Variants in CAMTA1 observed in about 807,000 individuals in gnomAD.
CAMTA1 encodes calmodulin binding transcription activator 1.
A neutral mutation model predicts 170.9 loss-of-function variants in CAMTA1; 27 were observed. The ratio of observed to expected loss-of-function variants is 0.16; its 90% CI spans 0.12 to 0.22. CAMTA1 has a LOEUF of 0.22. Among genes scored for constraint, CAMTA1 ranks in the 10% least tolerant of loss-of-function variants. The pLI is 1.00. For missense variants in CAMTA1, 1,619 were observed against 2,217.2 expected (o/e 0.73, Z 5.42); for synonymous variants, 833 against 891.5 (o/e 0.93, Z 1.17).
intron 3 of CAMTA1, among the ~76,000 whole-genome samples, chr1:7,003,617 A>G (rs978753892): frequency 8.2e-5 from 11 of 134,332 alleles, no homozygotes; most frequent in African/African-American, 2.8e-4. Context: ...CAGCAAAACT[A>G]AAAAAGATAA....
chr1:7,147,206 G>A (rs1270135251), intron 4 of CAMTA1, among the ~76,000 whole-genome samples: 1 of 151,964 alleles, frequency 6.6e-6, no homozygotes, highest in Non-Finnish European at 1.5e-5. Context: ...AGATCACAAG[G>A]TCAAGAGATT....
chr1:7,632,913 G>T (rs2095681823), intron 6 of CAMTA1, among the ~76,000 whole-genome samples: 1 of 152,260 alleles, frequency 6.6e-6, no homozygotes, highest in Non-Finnish European at 1.5e-5. Flanking sequence ...GCAGCCTGGA[G>T]CACCTCCCCC....
At chr1:6,801,468 C>T (rs982016372) in intron 1 of CAMTA1, among the ~76,000 whole-genome samples, 3 of 152,086 alleles carry the variant, frequency 2.0e-5, no homozygotes, top group African/African-American at 4.8e-5. Flanking sequence ...AGTCCTGCCA[C>T]TGATGAGGCT....
intron 7 of CAMTA1, among the ~76,000 whole-genome samples, chr1:7,647,287 G>T (rs1007823259): frequency 1.3e-5 from 2 of 151,634 alleles, no homozygotes; most frequent in African/African-American, 4.8e-5. Context: ...AAGGGGGGGG[G>T]GCTGTGTTTA....
chr1:7,577,077 G>C (rs974540523), intron 6 of CAMTA1, among the ~76,000 whole-genome samples: 1 of 152,224 alleles, frequency 6.6e-6, no homozygotes, highest in African/African-American at 2.4e-5. Flanking sequence ...TCAGTAGCCT[G>C]GGCTGTGCCT....
chr1:7,601,626 G>C (rs1038917184), intron 6 of CAMTA1, among the ~76,000 whole-genome samples: 61 of 152,338 alleles, frequency 4.0e-4, no homozygotes, highest in Admixed American at 6.5e-4. Flanking sequence ...CCGAGATCAC[G>C]CCACTGCACT....
chr1:7,332,353 T>A (rs2083087356), intron 5 of CAMTA1, among the ~76,000 whole-genome samples: 1 of 152,232 alleles, frequency 6.6e-6, no homozygotes, highest in African/African-American at 2.4e-5. Flanking sequence ...ATGGCCACAT[T>A]TAATACTTAT....
At chr1:7,689,977 G>T (rs1445911875) in intron 11 of CAMTA1, among the ~76,000 whole-genome samples, 3 of 152,244 alleles carry the variant, frequency 2.0e-5, no homozygotes, top group East Asian at 3.9e-4. Context: ...GACCAACATG[G>T]TGAAACCCCG....
At chr1:7,371,975 C>T (rs1243222384) in intron 5 of CAMTA1, among the ~76,000 whole-genome samples, 1 of 152,170 alleles carries the variant, frequency 6.6e-6, no homozygotes, top group Non-Finnish European at 1.5e-5. Flanking sequence ...GAGCAAAACT[C>T]CTGGAGTCCA....
chr1:7,210,178 A>C (rs1421901379), intron 4 of CAMTA1, among the ~76,000 whole-genome samples: 1 of 152,204 alleles, frequency 6.6e-6, no homozygotes, highest in South Asian at 2.1e-4. Context: ...AATAAAAACA[A>C]TAGTCTGTTG....
chr1:6,903,278 G>C (rs530590245), intron 3 of CAMTA1, among the ~76,000 whole-genome samples: 2 of 152,290 alleles, frequency 1.3e-5, no homozygotes, highest in South Asian at 4.1e-4. Flanking sequence ...GGCAAGGAAG[G>C]TTTTGGGTGG....
At chr1:7,720,532 C>T (rs1162215036) in intron 11 of CAMTA1, among the ~76,000 whole-genome samples, 7 of 152,108 alleles carry the variant, frequency 4.6e-5, no homozygotes, top group African/African-American at 1.4e-4. Context: ...CAGGCACCTA[C>T]CACCATGCCT....
At chr1:7,243,521 A>C (rs1665256357) in intron 4 of CAMTA1, among the ~76,000 whole-genome samples, 1 of 152,204 alleles carries the variant, frequency 6.6e-6, no homozygotes, top group Non-Finnish European at 1.5e-5. Flanking sequence ...CAGGTTTGTC[A>C]AAGATCAGAT....
intron 5 of CAMTA1, among the ~76,000 whole-genome samples, chr1:7,366,353 T>G (rs577476318): frequency 7.1e-4 from 108 of 152,322 alleles, no homozygotes; most frequent in African/African-American, 2.5e-3. Flanking sequence ...ATATTCCACA[T>G]GGACACAGGG....
At chr1:6,877,490 G>T (rs1039535216) in intron 3 of CAMTA1, among the ~76,000 whole-genome samples, 4 of 152,132 alleles carry the variant, frequency 2.6e-5, no homozygotes, top group Admixed American at 1.3e-4. Context: ...AGTCGGCAAC[G>T]CTATTGCTGC....
chr1:7,076,642 C>G (rs1639341009), intron 3 of CAMTA1, among the ~76,000 whole-genome samples: 1 of 152,102 alleles, frequency 6.6e-6, no homozygotes, highest in Admixed American at 6.5e-5. Flanking sequence ...CTCACGTGGA[C>G]CCAGGCTCAT....
intron 5 of CAMTA1, among the ~76,000 whole-genome samples, chr1:7,254,544 C>T (rs1378867495): frequency 1.3e-5 from 2 of 152,212 alleles, no homozygotes; most frequent in African/African-American, 4.8e-5. Flanking sequence ...TCTTTGACTT[C>T]TTAACTGCCT....
At position 7,606,896 on chromosome 1, in the gene CAMTA1, A is replaced by G. The variant is rs543166801; in HGVS notation, c.511-33504A>G. On this transcript the variant is annotated intron_variant, in intron 6 of 22. Transcript: ENST00000303635. Reference sequence around the variant, plus strand: ...GCTGCAGGATCCTTAGATGCTGTCTACATTCCTCTAGTTGAGCACTCAAGT... The same window carrying G: ...GCTGCAGGATCCTTAGATGCTGTCTGCATTCCTCTAGTTGAGCACTCAAGT... Among the ~76,000 whole-genome samples the G allele has an allele frequency of 2.1e-3, 323 of 152,342 alleles. 1 individual carries two copies. Among genetic ancestry groups the G allele is most frequent in the Non-Finnish European group, 3.5e-3 (240 of 68,030 alleles).
intron 3 of CAMTA1, chr1:6,886,210 G>C (rs1184527531): frequency 2.2e-6 from 1 of 455,674 alleles, no homozygotes; most frequent in African/African-American, 2.0e-5. Flanking sequence ...TGGAGGAAGA[G>C]AAGAATAAAT....
Sources: gnomAD v4.1 joint callset for allele counts (sites outside exome capture counted in the v4.1 genomes callset) on GRCh38, gnomAD v4.1.1 for gene constraint, MANE v1.5 for transcripts, NCBI Gene and HGNC (gene_info 2026-07-23, HGNC 2026-07-21) for gene names.